Variants in ECE1 observed in about 807,000 individuals in gnomAD.
ECE1 encodes endothelin-converting enzyme 1.
A neutral mutation model predicts 98.6 loss-of-function variants in ECE1; 35 were observed. That is an observed-to-expected ratio of 0.35 (90% CI 0.27 to 0.47). The LOEUF is 0.47. Ranked by LOEUF, ECE1 falls within the 20% of genes least tolerant of loss-of-function variation. The pLI, the probability that ECE1 is intolerant of heterozygous loss-of-function variation, is 1.00. For synonymous variants in ECE1, 394 were observed against 407.1 expected (o/e 0.97, Z 0.39); for missense variants, 814 against 1,025.3 (o/e 0.79, Z 2.81).
At chr1:21,227,057 T>C (rs2098175248) in intron 16 of ECE1, 102 bp downstream of exon 16, 1 of 1,163,032 alleles carries the variant, frequency 8.6e-7, no homozygotes, top group Non-Finnish European at 1.3e-6. Flanking sequence ...GAGGTCTTGC[T>C]ATGTTGCCCA....
At chr1:21,226,321 C>G (rs564345542) in intron 16 of ECE1, among the ~76,000 whole-genome samples, 14 of 152,362 alleles carry the variant, frequency 9.2e-5, no homozygotes, top group African/African-American at 2.9e-4. Context: ...TCACTACACA[C>G]TTCACACAGT....
At chr1:21,317,707 C>T (rs899545984) in intron 1 of ECE1, among the ~76,000 whole-genome samples, 11 of 152,204 alleles carry the variant, frequency 7.2e-5, no homozygotes, top group African/African-American at 1.9e-4. Flanking sequence ...CAGTTCTCTT[C>T]GGCCTCTCCT....
At chr1:21,253,423 A>G (rs564205550) in intron 8 of ECE1, among the ~76,000 whole-genome samples, 37 of 152,138 alleles carry the variant, frequency 2.4e-4, no homozygotes, top group Non-Finnish European at 5.3e-4. Flanking sequence ...TCTGGGAGAT[A>G]GTCCATGGTT....
At chr1:21,221,179 G>T (rs749892344) in intron 18 of ECE1, among the ~76,000 whole-genome samples, 12 of 152,142 alleles carry the variant, frequency 7.9e-5, no homozygotes, top group Non-Finnish European at 1.6e-4. Flanking sequence ...GATCTGGGAT[G>T]ATCACAGCAA....
chr1:21,227,777 T>C (rs2098176190), intron 15 of ECE1, among the ~76,000 whole-genome samples, 154 bp downstream of exon 15: 1 of 152,014 alleles, frequency 6.6e-6, no homozygotes, highest in Non-Finnish European at 1.5e-5. Flanking sequence ...GGAAGGAAAG[T>C]GGGTGAGGAT....
intron 1 of ECE1, among the ~76,000 whole-genome samples, chr1:21,334,623 C>A (rs982960012): frequency 1.3e-5 from 2 of 152,158 alleles, no homozygotes; most frequent in African/African-American, 4.8e-5. Context: ...GGGGCTGGGA[C>A]GGTGGGAACT....
At chr1:21,328,546 G>A (rs1283503739) in intron 1 of ECE1, among the ~76,000 whole-genome samples, 2 of 152,156 alleles carry the variant, frequency 1.3e-5, no homozygotes, top group South Asian at 2.1e-4. Flanking sequence ...TGGATCACCT[G>A]AGGTCAGGAG....
intron 2 of ECE1, among the ~76,000 whole-genome samples, chr1:21,280,639 A>AGATGAG (rs567351123): frequency 3.0e-4 from 45 of 152,292 alleles, no homozygotes; most frequent in Non-Finnish European, 5.9e-4. Context: ...CTGTCAGGGA[A>AGATGAG]GATGAGGAGA....
In ECE1 at chr1:21,258,186, C is replaced by G. The variant is rs929562631; in HGVS notation, c.762+507G>C. 1.3e-5 allele frequency among the ~76,000 whole-genome samples: 2 copies of G among 152,258 alleles called. No homozygotes were observed. The highest frequency in any genetic ancestry group is 4.8e-5 in the African/African-American group (2 of 41,516). Reference sequence around the variant, plus strand: ...TAGCTCTGAGAGGTTGAGGCACTTGCCCAAGGTCACACAGTGACTGAATGG... The same window carrying G: ...TAGCTCTGAGAGGTTGAGGCACTTGGCCAAGGTCACACAGTGACTGAATGG... On this transcript the variant is annotated intron_variant, in intron 6 of 18. Coordinates refer to ENST00000374893, the MANE Select transcript of ECE1 (RefSeq NM_001397.3). The surrounding 1 kb of genome is among the most constrained non-coding windows in gnomAD (Gnocchi z 4.2).
intron 4 of ECE1, among the ~76,000 whole-genome samples, chr1:21,269,105 C>T (rs1356961256): frequency 2.6e-5 from 4 of 152,208 alleles, no homozygotes; most frequent in East Asian, 1.9e-4. Flanking sequence ...CCACACTTCT[C>T]GGCTGCTCTC....
chr1:21,238,756 C>T (rs2098191693), intron 10 of ECE1, among the ~76,000 whole-genome samples: 1 of 152,212 alleles, frequency 6.6e-6, no homozygotes, highest in South Asian at 2.1e-4. Flanking sequence ...GCCAGGGCTC[C>T]AATGCCATTG....
At position 21,272,883 on chromosome 1, in the gene ECE1, A is replaced by G; in HGVS notation, c.309T>C (p.Ala103=). Residue 103 remains alanine, a synonymous_variant, in exon 4 of 19, where the codon GCT becomes GCC. Transcript: ENST00000374893. ...TRSPSVCLSE[A]CVSVTSSILS... is the part of the protein sequence containing the mutation. ...AGATGGAGCTGGTCACTGAGACACA[A>G]GCTTCGCTCAGGCACACAGAGGGGG... The G allele has an allele frequency of 6.2e-7, 1 of 1,614,200 alleles. No homozygotes were observed. Among genetic ancestry groups the G allele is most frequent in the Non-Finnish European group, 8.5e-7 (1 of 1,180,016 alleles).
rs112301826 is a variant in ECE1 at position 21,288,477 on chromosome 1, C to T, written c.138+1593G>A. ...AAACCCGGGTCGCTGGCTTCAGAGA[C>T]GGGGCTCCTCCTGCTTGGCCGGGGG... On this transcript the variant is annotated intron_variant, in intron 2 of 18. Coordinates refer to ENST00000374893, the MANE Select transcript of ECE1 (RefSeq NM_001397.3). 9.0e-3 allele frequency among the ~76,000 whole-genome samples: 1,367 copies of T among 152,320 alleles called. 19 individuals carry two copies. Among genetic ancestry groups the T allele is most frequent in the African/African-American group, 0.02 (851 of 41,568 alleles).
intron 1 of ECE1, among the ~76,000 whole-genome samples, chr1:21,318,230 C>T (rs543188914): frequency 6.6e-6 from 1 of 152,248 alleles, no homozygotes; most frequent in Admixed American, 6.5e-5. Flanking sequence ...CTCGCAGAGA[C>T]CCAAACCCAA....
At chr1:21,302,283 A>G (rs1356993461) in intron 1 of ECE1, among the ~76,000 whole-genome samples, 2 of 152,052 alleles carry the variant, frequency 1.3e-5, no homozygotes, top group African/African-American at 4.8e-5. Flanking sequence ...GCCCCACACC[A>G]AGCCCCTTGC....
intron 1 of ECE1, among the ~76,000 whole-genome samples, chr1:21,300,056 C>T (rs939305117): frequency 1.3e-5 from 2 of 152,242 alleles, no homozygotes; most frequent in African/African-American, 4.8e-5. Flanking sequence ...AAAAATCACT[C>T]AACTGTCTCT....
At chr1:21,270,285 G>T (rs2098238770) in intron 4 of ECE1, among the ~76,000 whole-genome samples, 1 of 152,260 alleles carries the variant, frequency 6.6e-6, no homozygotes, top group Non-Finnish European at 1.5e-5. Flanking sequence ...GATTAAGGAA[G>T]CAGTGGCTCT....
chr1:21,233,687 C>G lies in ECE1; in HGVS notation c.1567-26G>C, dbSNP rs755362670. On this transcript the variant is annotated intron_variant, in intron 13 of 18. Coordinates refer to ENST00000374893, the MANE Select transcript of ECE1 (RefSeq NM_001397.3). The surrounding 1 kb of genome is among the most constrained non-coding windows in gnomAD (Gnocchi z 4.0). Reference sequence around the variant, plus strand: ...CTAGAAAAGAAGAAGTGGAGTCAATCACAGTGTGCCCTCGGTGGTGTGCAT... The same window carrying G: ...CTAGAAAAGAAGAAGTGGAGTCAATGACAGTGTGCCCTCGGTGGTGTGCAT... 4 of 1,603,094 alleles carry G rather than the reference C, an allele frequency of 2.5e-6. No homozygotes were observed. The highest frequency in any genetic ancestry group is 1.7e-6 in the Non-Finnish European group (2 of 1,170,588).
intron 1 of ECE1, among the ~76,000 whole-genome samples, chr1:21,315,281 T>A (rs1638808147): frequency 6.6e-6 from 1 of 152,242 alleles, no homozygotes; most frequent in South Asian, 2.1e-4. Flanking sequence ...TGGTTCAGGC[T>A]GCCACCTCCA....
Sources: gnomAD v4.1 joint callset for allele counts (sites outside exome capture counted in the v4.1 genomes callset) on GRCh38, gnomAD v4.1.1 for gene constraint, Gnocchi (gnomAD v3.1) non-coding constraint, MANE v1.5 for transcripts, NCBI Gene and HGNC (gene_info 2026-07-23, HGNC 2026-07-21) for gene names.